The following MTRF1 variants were observed in gnomAD, a reference collection of about 807,000 sequenced individuals.
MTRF1 encodes the protein mitochondrial translation release factor 1.
A neutral mutation model predicts 62.9 loss-of-function variants in MTRF1; 51 were observed. The ratio of observed to expected loss-of-function variants is 0.81; its 90% CI spans 0.65 to 1.02. The LOEUF is 1.02. Among genes scored for constraint, MTRF1 ranks in the 50% least tolerant of loss-of-function variants. The probability of loss-of-function intolerance (pLI) is 0.00; values close to 1 mark genes in which losing one functional copy is unlikely to be tolerated. For synonymous variants in MTRF1, 158 were observed against 181.9 expected (o/e 0.87, Z 1.06); for missense variants, 446 against 530.0 (o/e 0.84, Z 1.56).
intron 2 of MTRF1, among the ~76,000 whole-genome samples, chr13:41,256,128 G>GA (rs1451067038): frequency 6.6e-6 from 1 of 152,066 alleles, no homozygotes; most frequent in African/African-American, 2.4e-5. Context: ...AGACAACGAA[G>GA]AAAAAAACAT....
intron 9 of MTRF1, among the ~76,000 whole-genome samples, chr13:41,222,710 G>A (rs1159536475): frequency 6.6e-6 from 1 of 152,226 alleles, no homozygotes; most frequent in Non-Finnish European, 1.5e-5. Context: ...CTGTCAGCAA[G>A]GGAATGGGGG....
intron 7 of MTRF1, chr13:41,229,611 C>A (rs2035140938): frequency 6.6e-6 from 1 of 152,152 alleles, no homozygotes; most frequent in Admixed American, 6.5e-5. Flanking sequence ...TTAAAGTATT[C>A]TGGTTTGTCA....
intron 5 of MTRF1, among the ~76,000 whole-genome samples, chr13:41,248,392 GAT>G (rs2038569941): frequency 6.6e-6 from 1 of 152,210 alleles, no homozygotes; most frequent in African/African-American, 2.4e-5. Flanking sequence ...AAAGTGCTGT[GAT>G]TACAGGCGTA....
the MTRF1 span, among the ~76,000 whole-genome samples, chr13:41,291,661 T>C: frequency 6.6e-6 from 1 of 152,086 alleles, no homozygotes; most frequent in African/African-American, 2.4e-5. Flanking sequence ...TCACAATGCA[T>C]ACATTTCTTT....
chr13:41,305,920 ATTTG>A, the MTRF1 span, among the ~76,000 whole-genome samples: 2 of 151,960 alleles, frequency 1.3e-5, no homozygotes, highest in South Asian at 4.1e-4. Flanking sequence ...TACCTTATCT[ATTTG>A]TTTATGTGTT....
chr13:41,248,187 T>C (rs917120970), intron 5 of MTRF1, among the ~76,000 whole-genome samples: 2 of 152,208 alleles, frequency 1.3e-5, no homozygotes, highest in African/African-American at 4.8e-5. Context: ...ACTGGTGCGA[T>C]GTTGACTCAC....
intron 2 of MTRF1, among the ~76,000 whole-genome samples, chr13:41,255,291 A>T (rs1422570094): frequency 6.6e-6 from 1 of 152,116 alleles, no homozygotes; most frequent in Non-Finnish European, 1.5e-5. Flanking sequence ...ATCATGGTAC[A>T]CTACAGCCTC....
chr13:41,234,376 G>C (rs2036118528), intron 6 of MTRF1, among the ~76,000 whole-genome samples: 1 of 152,102 alleles, frequency 6.6e-6, no homozygotes, highest in Admixed American at 6.6e-5. Flanking sequence ...ATGGGGTCTT[G>C]CTATTTTGCC....
chr13:41,294,278 C>T, the MTRF1 span, among the ~76,000 whole-genome samples: 7,976 of 151,662 alleles, frequency 0.053, 276 homozygotes, highest in Non-Finnish European at 0.074. Flanking sequence ...ATTAGCTGGG[C>T]GTGGTGGTAC....
intron 9 of MTRF1, 151 bp downstream of exon 9, chr13:41,223,105 A>G (rs1311568400): frequency 1.9e-6 from 1 of 539,070 alleles, no homozygotes; most frequent in Non-Finnish European, 3.2e-6. Context: ...GCAAACTAAT[A>G]AAAGTGTTTG....
chr13:41,293,152 TTG>T, the MTRF1 span, among the ~76,000 whole-genome samples: 19 of 150,098 alleles, frequency 1.3e-4, no homozygotes, highest in South Asian at 2.1e-4. Context: ...TGTGAAATCT[TTG>T]TGTGTGTGTG....
chr13:41,263,418 A>G (rs1027221967), intron 1 of MTRF1, 67 bp downstream of exon 1: 9 of 551,096 alleles, frequency 1.6e-5, no homozygotes, highest in Admixed American at 1.3e-4. Flanking sequence ...AACTCAGTAT[A>G]TGGAGTGATT....
At chr13:41,259,365 T>A (rs896147567) in intron 2 of MTRF1, among the ~76,000 whole-genome samples, 2 of 152,196 alleles carry the variant, frequency 1.3e-5, no homozygotes, top group African/African-American at 4.8e-5. Context: ...AAATAAAATG[T>A]GGTATATCCA....
At chr13:41,225,154 G>C (rs1458360712) in intron 8 of MTRF1, among the ~76,000 whole-genome samples, 1 of 148,716 alleles carries the variant, frequency 6.7e-6, no homozygotes. Context: ...AGAGGTTGCA[G>C]TGAGCCAAGA....
At chr13:41,311,723 A>AAAGTGGGGT in the MTRF1 span, 1 of 759,472 alleles carries the variant, frequency 1.3e-6, no homozygotes, top group Non-Finnish European at 2.1e-6. Flanking sequence ...AGGTCGCGGG[A>AAAGTGGGGT]CCCCACTTTC....
At chr13:41,273,305 T>C in the MTRF1 span, among the ~76,000 whole-genome samples, 4,296 of 149,116 alleles carry the variant, frequency 0.029, 184 homozygotes, top group African/African-American at 0.092. Context: ...CAGCCTGGGC[T>C]ACAGAGCGAG....
intron 3 of MTRF1, 140 bp from the exon 4 acceptor site, chr13:41,253,170 T>A (rs890961268): frequency 1.6e-6 from 1 of 620,524 alleles, no homozygotes; most frequent in Non-Finnish European, 2.8e-6. Context: ...CCAAAAATGC[T>A]ATAATAAGTA....
chr13:41,271,090 CA>C, the MTRF1 span, among the ~76,000 whole-genome samples: 70 of 132,764 alleles, frequency 5.3e-4, no homozygotes, highest in African/African-American at 2.0e-3. Flanking sequence ...CACACACACA[CA>C]CCCCATATAG....
the MTRF1 span, among the ~76,000 whole-genome samples, chr13:41,304,551 C>T: frequency 6.6e-6 from 1 of 152,138 alleles, no homozygotes. Context: ...AGAAACTATT[C>T]CAATGAACAG....
Sources: gnomAD v4.1 joint callset for allele counts (sites outside exome capture counted in the v4.1 genomes callset) on GRCh38, gnomAD v4.1.1 for gene constraint, MANE v1.5 for transcripts, NCBI Gene and HGNC (gene_info 2026-07-23, HGNC 2026-07-21) for gene names.